Variants in GRM7 observed in about 807,000 individuals in gnomAD.
The protein encoded by GRM7 is metabotropic glutamate receptor 7.
Under a neutral mutation model 84.5 loss-of-function variants are expected in GRM7, and 35 were observed. The ratio of observed to expected loss-of-function variants is 0.41; its 90% confidence interval spans 0.32 to 0.55. The LOEUF (loss-of-function observed/expected upper bound fraction) is 0.55, where lower values mean the gene tolerates loss of function less well. GRM7 is among the 20% of genes least tolerant of loss of function. GRM7 has a pLI of 0.19. For missense variants in GRM7, 1,003 were observed against 1,194.6 expected (o/e 0.84, Z 2.36); for synonymous variants, 487 against 455.1 (o/e 1.07, Z -0.89).
chr3:7,146,433 T>C lies in GRM7; in HGVS notation c.520-19T>C. 6.3e-7 allele frequency: 1 copy of C among 1,582,356 alleles called. No homozygotes were observed. Among genetic ancestry groups the C allele is most frequent in the Non-Finnish European group, 8.7e-7 (1 of 1,152,324 alleles). ...ATCCTGACGGTGCACTCTCACGTGG[T>C]GCTTTCTTGTCTTTGCAGATCCCCC... is the stretch of plus-strand genomic sequence containing the variant. On this transcript the variant is annotated intron_variant, in intron 1 of 9. Transcript: ENST00000357716.
intron 4 of GRM7, among the ~76,000 whole-genome samples, chr3:7,349,618 A>C (rs1693043815): frequency 6.6e-6 from 1 of 152,302 alleles, no homozygotes; most frequent in Non-Finnish European, 1.5e-5. Flanking sequence ...GACTGGGCGC[A>C]GCCCCTGGGG....
intron 4 of GRM7, among the ~76,000 whole-genome samples, chr3:7,338,357 G>A (rs1245645408): frequency 6.6e-6 from 1 of 151,954 alleles, no homozygotes; most frequent in Admixed American, 6.6e-5. Context: ...AAGTGTGAGA[G>A]GGTAGTGAGT....
intron 7 of GRM7, among the ~76,000 whole-genome samples, chr3:7,527,378 A>G (rs1700847090): frequency 6.6e-6 from 1 of 151,964 alleles, no homozygotes; most frequent in East Asian, 1.9e-4. Context: ...TTGATTTTGT[A>G]TCCTAAAACT....
At chr3:7,138,756 T>C (rs1189036568) in intron 1 of GRM7, among the ~76,000 whole-genome samples, 1 of 151,606 alleles carries the variant, frequency 6.6e-6, no homozygotes, top group Non-Finnish European at 1.5e-5. Flanking sequence ...AAATATATGT[T>C]ACCATATATC....
At chr3:7,509,510 C>G (rs959889708) in intron 7 of GRM7, among the ~76,000 whole-genome samples, 1 of 152,166 alleles carries the variant, frequency 6.6e-6, no homozygotes, top group African/African-American at 2.4e-5. Context: ...TGTATGTATA[C>G]ATCCTCTGCA....
chr3:7,408,825 A>C (rs1258583283), intron 4 of GRM7, among the ~76,000 whole-genome samples: 1 of 152,282 alleles, frequency 6.6e-6, no homozygotes, highest in South Asian at 2.1e-4. Flanking sequence ...ACCCAAATGC[A>C]CTTGCTGTGG....
Position 7,473,489 on chromosome 3 carries a change from G to GGAGAGAGAGAGAGAGAGAGA in GRM7, c.1515+11790_1515+11809dup, listed in dbSNP as rs372898836. Among the ~76,000 whole-genome samples the GGAGAGAGAGAGAGAGAGAGA allele has an allele frequency of 1.5e-3, 194 of 126,482 alleles. 2 individuals are homozygous for GGAGAGAGAGAGAGAGAGAGA. Among genetic ancestry groups the GGAGAGAGAGAGAGAGAGAGA allele is most frequent in the Non-Finnish European group, 2.4e-3 (149 of 60,932 alleles). The allele number at this position is 126,482 out of a possible 152,430, so 83.0% of individuals were successfully genotyped here. A position where few individuals can be genotyped will look rare whatever the true frequency, so the allele number is the denominator to read the frequency against. On this transcript the variant is annotated intron_variant, in intron 7 of 9. Transcript: ENST00000357716. The stretch of plus-strand genomic sequence containing the variant: ...AGACTCTGTCTCTTAAAAACGAGAG[G>GGAGAGAGAGAGAGAGAGAGA]GAGAGAGAGAGAGAGAGAGAGAGAG...
intron 7 of GRM7, among the ~76,000 whole-genome samples, chr3:7,539,665 ACT>A (rs1275929200): frequency 7.9e-6 from 1 of 126,666 alleles, no homozygotes; most frequent in Non-Finnish European, 1.6e-5. Flanking sequence ...ACAGAGCAAG[ACT>A]CTGTCTCAAA....
intron 2 of GRM7, among the ~76,000 whole-genome samples, chr3:7,193,452 G>T (rs535796007): frequency 6.6e-6 from 1 of 152,174 alleles, no homozygotes; most frequent in African/African-American, 2.4e-5. Context: ...TTAGACCTCT[G>T]TGGGAGGCCT....
chr3:7,529,887 A>G (rs1700961739), intron 7 of GRM7, among the ~76,000 whole-genome samples: 1 of 149,438 alleles, frequency 6.7e-6, no homozygotes, highest in Non-Finnish European at 1.5e-5. Context: ...TTAAATCAGG[A>G]GACCACTGGC....
intron 4 of GRM7, among the ~76,000 whole-genome samples, chr3:7,336,880 G>GA (rs1050375009): frequency 3.3e-5 from 5 of 151,616 alleles, no homozygotes; most frequent in East Asian, 1.9e-4. Context: ...AAACACTGCT[G>GA]AAAAAAAATC....
chr3:7,701,995 A>G (rs750139401), intron 9 of GRM7, among the ~76,000 whole-genome samples: 1 of 152,186 alleles, frequency 6.6e-6, no homozygotes, highest in African/African-American at 2.4e-5. Context: ...GCTAACATGC[A>G]TTGGACCACA....
At chr3:6,889,746 G>C (rs9863408) in intron 1 of GRM7, among the ~76,000 whole-genome samples, 1 of 151,516 alleles carries the variant, frequency 6.6e-6, no homozygotes, top group Non-Finnish European at 1.5e-5. Context: ...GCTGGCCTCA[G>C]CAAATGAGTT....
chr3:7,317,582 T>C (rs1051975751), intron 4 of GRM7, among the ~76,000 whole-genome samples: 8 of 152,124 alleles, frequency 5.3e-5, no homozygotes, highest in African/African-American at 1.9e-4. Flanking sequence ...GAAAACAGAT[T>C]GGTTCTGGAG....
chr3:6,994,987 A>T (rs1377949763), intron 1 of GRM7, among the ~76,000 whole-genome samples: 3 of 152,216 alleles, frequency 2.0e-5, no homozygotes, highest in Non-Finnish European at 2.9e-5. Context: ...AGTCAGAATC[A>T]CATGACTGGC....
At chr3:7,295,324 G>A (rs1051546822) in intron 2 of GRM7, among the ~76,000 whole-genome samples, 1 of 152,096 alleles carries the variant, frequency 6.6e-6, no homozygotes, top group Non-Finnish European at 1.5e-5. Context: ...ATACTTCTGA[G>A]CCTCTATTTT....
chr3:7,114,985 G>A (rs887921905), intron 1 of GRM7, among the ~76,000 whole-genome samples: 3 of 152,112 alleles, frequency 2.0e-5, no homozygotes, highest in Non-Finnish European at 4.4e-5. Context: ...ATGAGGTAGT[G>A]AAAGGCACTA....
chr3:7,513,978 T>C (rs1365724039), intron 7 of GRM7, among the ~76,000 whole-genome samples: 1 of 152,246 alleles, frequency 6.6e-6, no homozygotes, highest in Non-Finnish European at 1.5e-5. Flanking sequence ...TTAGCAGAGC[T>C]AAACCCATCA....
chr3:7,683,010 A>G (rs776891374), intron 9 of GRM7, among the ~76,000 whole-genome samples: 1 of 152,234 alleles, frequency 6.6e-6, no homozygotes, highest in Non-Finnish European at 1.5e-5. Context: ...ACTAAAGCCC[A>G]GGTCTGACTC....
Sources: gnomAD v4.1 joint callset for allele counts (sites outside exome capture counted in the v4.1 genomes callset) on GRCh38, gnomAD v4.1.1 for gene constraint, MANE v1.5 for transcripts, NCBI Gene and HGNC (gene_info 2026-07-23, HGNC 2026-07-21) for gene names.